Variants in PTPRN2 observed in about 807,000 individuals in gnomAD.
PTPRN2 encodes protein tyrosine phosphatase receptor type N2.
In PTPRN2, 74 loss-of-function variants were observed where a neutral mutation model predicts 118.8. The ratio of observed to expected loss-of-function variants is 0.62; its 90% confidence interval spans 0.52 to 0.76. The LOEUF (loss-of-function observed/expected upper bound fraction) is 0.76, where lower values mean the gene tolerates loss of function less well. PTPRN2 is among the 30% of genes least tolerant of loss of function. The pLI, the probability that PTPRN2 is intolerant of heterozygous loss-of-function variation, is 0.00. For synonymous variants in PTPRN2, 641 were observed against 608.0 expected, an observed-to-expected ratio of 1.05 and a Z score of -0.80; for missense variants, 1,481 against 1,394.4, an observed-to-expected ratio of 1.06 and a Z score of -0.99.
At chr7:157,636,234 C>T (rs1250677450) in intron 14 of PTPRN2, among the ~76,000 whole-genome samples, 2 of 152,192 alleles carry the variant, frequency 1.3e-5, no homozygotes, top group Non-Finnish European at 2.9e-5. Flanking sequence ...CATAAGTCAG[C>T]TTTGATACAT....
At chr7:158,071,005 T>C (rs1355759307) in intron 11 of PTPRN2, among the ~76,000 whole-genome samples, 50 of 82,816 alleles carry the variant, frequency 6.0e-4, no homozygotes, top group East Asian at 1.8e-3. Flanking sequence ...GTGCTCATGG[T>C]GGTGGAGGTG....
At chr7:158,165,807 G>A (rs1048195445) in intron 6 of PTPRN2, among the ~76,000 whole-genome samples, 3 of 152,174 alleles carry the variant, frequency 2.0e-5, no homozygotes, top group African/African-American at 7.2e-5. Context: ...AGAGTCGCAG[G>A]AACCCGCAAA....
rs536724486 is a variant in PTPRN2 at position 158,078,136 on chromosome 7, G to A, written c.1723+3162C>T. Reference sequence around the variant, plus strand: ...TCATTCGGCATCAATACCACGTGACGTTTGATGGGGACTAATGTGGGATTA... The same window carrying A: ...TCATTCGGCATCAATACCACGTGACATTTGATGGGGACTAATGTGGGATTA... On this transcript the variant is annotated intron_variant, in intron 11 of 22. Transcript: ENST00000389418. Among the ~76,000 whole-genome samples, 31 of 152,304 alleles carry A rather than the reference G, an allele frequency of 2.0e-4. No homozygotes were observed. The South Asian group carries it at 6.4e-3, about 32-fold the overall frequency.
At chr7:158,519,530 G>A (rs144603946) in intron 1 of PTPRN2, among the ~76,000 whole-genome samples, 1 of 152,246 alleles carries the variant, frequency 6.6e-6, no homozygotes, top group East Asian at 1.9e-4. Context: ...GGCTCTGAAG[G>A]TGATGGAATG....
intron 11 of PTPRN2, among the ~76,000 whole-genome samples, chr7:158,012,972 A>G (rs1806152244): frequency 6.6e-6 from 1 of 152,190 alleles, no homozygotes; most frequent in Non-Finnish European, 1.5e-5. Context: ...TGGAGAGTGG[A>G]GGTGGTCAGA....
chr7:158,408,173 G>A (rs1813747721), intron 2 of PTPRN2, among the ~76,000 whole-genome samples: 1 of 152,240 alleles, frequency 6.6e-6, no homozygotes, highest in Non-Finnish European at 1.5e-5. Context: ...ACGAGATCCT[G>A]TGATCTGAAA....
At position 157,874,748 on chromosome 7, in the gene PTPRN2, CACAG is replaced by C. The variant is rs201048995; in HGVS notation, c.1788+23921_1788+23924del. ...ACACAGAGACACACTCATGCACATA[CACAG>C]ACACACACTCATGCACACACACACG... On this transcript the variant is annotated intron_variant, in intron 12 of 22. Transcript: ENST00000389418. The surrounding 1 kb of genome is among the most constrained non-coding windows in gnomAD (Gnocchi z 5.8). Among the ~76,000 whole-genome samples, 1,552 of 150,658 alleles carry C rather than the reference CACAG, an allele frequency of 0.01. 27 individuals carry two copies. Among genetic ancestry groups the C allele is most frequent in the African/African-American group, 0.034 (1,396 of 41,212 alleles).
rs572287208 is a variant in PTPRN2, at chr7:158,077,230, G to A, written c.1723+4068C>T. Among the ~76,000 whole-genome samples the A allele has an allele frequency of 5.3e-5, 8 of 152,182 alleles. No individual in the cohort carries two copies. The East Asian group carries it at 1.4e-3, about 26-fold the overall frequency. ...GGAGGGGAGCCTCTTCCTCCATGTG[G>A]ACCCGCTACATATGAGACGTGAAAC... On this transcript the variant is annotated intron_variant, in intron 11 of 22. Coordinates refer to ENST00000389418, the MANE Select transcript of PTPRN2 (RefSeq NM_002847.5).
Position 158,560,541 on chromosome 7 carries a change from G to A in PTPRN2, c.112+27017C>T, listed in dbSNP as rs375745092. ...AGTGTCAACATGCAGAGAACACAAC[G>A]TGTAAGAACGGTGACCACTTGCGCT... is the stretch of plus-strand genomic sequence containing the variant. On this transcript the variant is annotated intron_variant, in intron 1 of 22. Transcript: ENST00000389418. Among the ~76,000 whole-genome samples the A allele has an allele frequency of 4.7e-4, 71 of 152,380 alleles. 1 individual carries two copies. The East Asian group carries it at 8.7e-3, about 19-fold the overall frequency.
chr7:158,379,154 G>C (rs1810768189), intron 2 of PTPRN2, among the ~76,000 whole-genome samples: 1 of 152,174 alleles, frequency 6.6e-6, no homozygotes, highest in Non-Finnish European at 1.5e-5. Flanking sequence ...AGGCTCATAG[G>C]CTGCCCCCTA....
intron 13 of PTPRN2, among the ~76,000 whole-genome samples, chr7:157,657,913 CCA>C (rs1465839304): frequency 3.7e-5 from 5 of 135,858 alleles, no homozygotes; most frequent in Non-Finnish European, 3.2e-5. Context: ...CACACACACA[CCA>C]CACACATCGC....
intron 5 of PTPRN2, among the ~76,000 whole-genome samples, chr7:158,187,303 G>C (rs1207044500): frequency 2.0e-5 from 3 of 152,210 alleles, no homozygotes; most frequent in Non-Finnish European, 2.9e-5. Context: ...ATCTACGCTA[G>C]AGTTTCATTT....
chr7:157,869,886 T>C lies in PTPRN2; in HGVS notation c.1788+28787A>G, dbSNP rs1810945965. On this transcript the variant is annotated intron_variant, in intron 12 of 22. Transcript: ENST00000389418. The surrounding 1 kb of genome is among the most constrained non-coding windows in gnomAD (Gnocchi z 4.2). ...TCTCTGGCCCTCCAGAAAGTCAACA[T>C]GCAAAATGCCTTGAGCATCCCAACA... is the stretch of plus-strand genomic sequence containing the variant. Among the ~76,000 whole-genome samples the C allele has an allele frequency of 1.3e-5, 2 of 152,200 alleles. No individual in the cohort carries two copies. The highest frequency in any genetic ancestry group is 4.8e-5 in the African/African-American group (2 of 41,452).
chr7:158,362,374 T>G (rs1448570583), intron 2 of PTPRN2, among the ~76,000 whole-genome samples: 1 of 124,896 alleles, frequency 8.0e-6, no homozygotes, highest in Non-Finnish European at 1.7e-5. Context: ...GAAAAAAATG[T>G]CCACAACTCA....
At chr7:157,809,894 T>C (rs1250736722) in intron 12 of PTPRN2, among the ~76,000 whole-genome samples, 4 of 152,180 alleles carry the variant, frequency 2.6e-5, no homozygotes, top group Non-Finnish European at 5.9e-5. Flanking sequence ...GCCCATGGGA[T>C]GGACTTGCTG....
intron 5 of PTPRN2, among the ~76,000 whole-genome samples, chr7:158,189,632 C>T (rs1825602882): frequency 6.6e-6 from 1 of 152,236 alleles, no homozygotes; most frequent in South Asian, 2.1e-4. Flanking sequence ...CAAACTTCTT[C>T]CGAGTCTCTG....
intron 3 of PTPRN2, among the ~76,000 whole-genome samples, chr7:158,285,459 A>G (rs1482627033): frequency 2.0e-5 from 3 of 152,188 alleles, no homozygotes; most frequent in Non-Finnish European, 4.4e-5. Flanking sequence ...CCCCAGCACA[A>G]GCAGAGCTGA....
chr7:158,153,574 G>A (rs556020827), intron 6 of PTPRN2, among the ~76,000 whole-genome samples: 78 of 152,276 alleles, frequency 5.1e-4, no homozygotes, highest in South Asian at 1.5e-3. Flanking sequence ...CTCCCCCATC[G>A]CACGCCCTGT....
chr7:158,394,736 G>T (rs1688553773), intron 2 of PTPRN2, among the ~76,000 whole-genome samples: 1 of 152,248 alleles, frequency 6.6e-6, no homozygotes, highest in Non-Finnish European at 1.5e-5. Flanking sequence ...GGGCGACAAG[G>T]ACTGTAGGCA....
Sources: allele counts gnomAD v4.1 joint callset (sites outside exome capture counted in the v4.1 genomes callset), GRCh38; gene constraint gnomAD v4.1.1; non-coding constraint Gnocchi (gnomAD v3.1); transcripts MANE v1.5; gene names NCBI Gene and HGNC (gene_info 2026-07-23, HGNC 2026-07-21).